The following MAP1B variants were observed in gnomAD, a reference collection of about 807,000 sequenced individuals.
The protein encoded by MAP1B is microtubule associated protein 1B, also known as microtubule-associated protein 1B.
In MAP1B, 12 loss-of-function variants were observed where a neutral mutation model predicts 176.1. The ratio of observed to expected loss-of-function variants is 0.07; its 90% confidence interval spans 0.04 to 0.11. MAP1B has a LOEUF of 0.11. Among genes scored for constraint, MAP1B ranks in the 10% least tolerant of loss-of-function variants. The pLI, the probability that MAP1B is intolerant of heterozygous loss-of-function variation, is 1.00. For missense variants in MAP1B, 2,523 were observed against 2,990.5 expected (o/e 0.84, Z 3.65); for synonymous variants, 1,044 against 1,135.0 (o/e 0.92, Z 1.61).
chr5:72,148,517 T>G (rs56035402), intron 2 of MAP1B, among the ~76,000 whole-genome samples: 10,360 of 152,220 alleles, frequency 0.068, 414 homozygotes, highest in Middle Eastern at 0.095. Flanking sequence ...AGGGCAGGGG[T>G]TGCACTTATG....
intron 2 of MAP1B, chr5:72,116,040 A>T (rs1531313): frequency 0.051 from 20,806 of 409,642 alleles, 1,472 homozygotes; most frequent in East Asian, 0.21. Context: ...GTGTATGTGT[A>T]TATATATACA....
At position 72,199,954 on chromosome 5, in the gene MAP1B, C is replaced by T; in HGVS notation, c.6599C>T (p.Pro2200Leu). The part of the protein sequence containing the change: ...DKTVTYKHMD[P>L]PPAPVQDRSP... ...ACTGTCACGTACAAACACATGGACC[C>T]ACCTCCAGCTCCCGTGCAAGACCGC... The change falls in exon 5 of 7, where the codon CCA becomes CTA. Residue 2200 changes from proline to leucine, a missense_variant. By Grantham distance (98) the Pro-to-Leu change is moderately conservative. Transcript: ENST00000296755. The surrounding 1 kb of genome is among the most constrained non-coding windows in gnomAD (Gnocchi z 4.2). The T allele has an allele frequency of 6.2e-7, 1 of 1,614,200 alleles. No individual in the cohort carries two copies. The highest frequency in any genetic ancestry group is 2.2e-5 in the East Asian group (1 of 44,886).
chr5:72,199,236 G>A lies in MAP1B; in HGVS notation c.5881G>A (p.Glu1961Lys), dbSNP rs1457637933. The A allele has an allele frequency of 6.2e-7, 1 of 1,614,064 alleles. No homozygotes were observed. The highest frequency in any genetic ancestry group is 1.7e-5 in the Admixed American group (1 of 60,018). Reference sequence around the variant, plus strand: ...GGGTGGGTACTCATATGACATAAGTGAAAAGACCACCAGCCCCCCCGAAGT... The same window carrying A: ...GGGTGGGTACTCATATGACATAAGTAAAAAGACCACCAGCCCCCCCGAAGT... Reference protein sequence around the residue: ...EEGGYSYDISEKTTSPPEVSG... With the variant: ...EEGGYSYDISKKTTSPPEVSG... The change falls in exon 5 of 7, where the codon GAA becomes AAA. Residue 1961 changes from glutamate (E) to lysine (K), a missense_variant. Glu to Lys is a moderately conservative substitution (Grantham distance 56). This residue lies in a region of MAP1B where 1,925 missense variants were observed against 2,126.0 expected (regional missense o/e 0.91). Transcript: ENST00000296755. This position sits in a 1 kb window ranked among gnomAD's most constrained non-coding sequence, Gnocchi z 4.2.
intron 2 of MAP1B, among the ~76,000 whole-genome samples, chr5:72,149,510 A>T (rs1289823557): frequency 4.6e-5 from 7 of 152,238 alleles, no homozygotes; most frequent in African/African-American, 1.7e-4. Context: ...TGTTGGCTTT[A>T]TTGAAAAGAT....
rs78541618 is a variant in MAP1B at position 72,137,163 on chromosome 5, A to G, written c.286+21364A>G. Among the ~76,000 whole-genome samples, 1,297 of 152,302 alleles carry G rather than the reference A, an allele frequency of 8.5e-3. 16 individuals carry two copies. The highest frequency in any genetic ancestry group is 0.03 in the African/African-American group (1,229 of 41,564). On this transcript the variant is annotated intron_variant, in intron 2 of 6. Transcript: ENST00000296755. ...AAGGATGGCTTATGACAAAGCAGCAATTCCATTTTTATCTTCCTAGGCATG... is the reference window on the plus strand; with the variant it reads ...AAGGATGGCTTATGACAAAGCAGCAGTTCCATTTTTATCTTCCTAGGCATG...
chr5:72,164,717 C>T (rs188549850), intron 2 of MAP1B, among the ~76,000 whole-genome samples: 112 of 152,274 alleles, frequency 7.4e-4, no homozygotes, highest in Non-Finnish European at 1.3e-3. Flanking sequence ...ACCTCAGTTC[C>T]AGCTCCTCTG....
intron 2 of MAP1B, among the ~76,000 whole-genome samples, chr5:72,116,266 A>C (rs968146825): frequency 1.3e-5 from 2 of 152,204 alleles, no homozygotes; most frequent in Admixed American, 6.5e-5. Context: ...TCTTCCTGCA[A>C]AAGAAAAAGG....
chr5:72,186,984 A>G lies in MAP1B; in HGVS notation c.510+230A>G, dbSNP rs749009303. ...CATTCTTAATGTGCCTGAGATATAG[A>G]TGGGAGGGGTTGGAACAGTCAACAC... On this transcript the variant is annotated intron_variant, in intron 4 of 6. Coordinates refer to ENST00000296755, the MANE Select transcript of MAP1B (RefSeq NM_005909.5). This position sits in a 1 kb window ranked among gnomAD's most constrained non-coding sequence, Gnocchi z 4.3. 2.0e-5 allele frequency among the ~76,000 whole-genome samples: 3 copies of G among 152,230 alleles called. No individual in the cohort carries two copies. The highest frequency in any genetic ancestry group is 4.4e-5 in the Non-Finnish European group (3 of 68,036).
Position 72,200,154 on chromosome 5 carries a change from C to A in MAP1B, c.6799C>A (p.Pro2267Thr). ...CAAAAAGAGTGATGGGAAGTCTAAG[C>A]CCTTGGCAGCTTCACCAAAACCAGC... ...PVKKSDGKSKPLAASPKPAGL... is the reference protein window; with the variant it reads ...PVKKSDGKSKTLAASPKPAGL... The change falls in exon 5 of 7, where the codon CCC (proline) becomes ACC (threonine). Residue 2267 changes from proline (P) to threonine (T), a missense_variant. Around this residue, in one of 4 missense-constraint regions of MAP1B, gnomAD observed 287 missense variants for 401.5 expected, o/e 0.71. Coordinates refer to ENST00000296755, the MANE Select transcript of MAP1B (RefSeq NM_005909.5). The A allele has an allele frequency of 6.2e-7, 1 of 1,614,214 alleles. No homozygotes were observed. The highest frequency in any genetic ancestry group is 8.5e-7 in the Non-Finnish European group (1 of 1,180,048).
chr5:72,108,002 GGT>G (rs932198387), intron 1 of MAP1B, among the ~76,000 whole-genome samples: 178 of 152,350 alleles, frequency 1.2e-3, no homozygotes, highest in African/African-American at 4.0e-3. Flanking sequence ...GTGAAATGCA[GGT>G]GTCAGGGGAG....
chr5:72,166,304 T>TA (rs1430581907), intron 2 of MAP1B, among the ~76,000 whole-genome samples: 1 of 151,938 alleles, frequency 6.6e-6, no homozygotes, highest in Non-Finnish European at 1.5e-5. Context: ...TCCAGGGAGG[T>TA]AAGGGCAGTG....
intron 2 of MAP1B, among the ~76,000 whole-genome samples, chr5:72,182,467 A>G (rs1746792405): frequency 6.6e-6 from 1 of 152,128 alleles, no homozygotes; most frequent in South Asian, 2.1e-4. Context: ...ATTTTACCCA[A>G]TCATCAATAG....
rs146490320 is a variant in MAP1B, at chr5:72,146,607, C to A, written c.286+30808C>A. 3.9e-5 allele frequency among the ~76,000 whole-genome samples: 6 copies of A among 152,288 alleles called. No homozygotes were observed. The East Asian group carries it at 1.2e-3, about 29-fold the overall frequency. On this transcript the variant is annotated intron_variant, in intron 2 of 6. Transcript: ENST00000296755. Reference sequence around the variant, plus strand: ...TCATGCCACCACGAGGAACCTGAGGCACAGCATGGTTAAACAGCATGCCCA... The same window carrying A: ...TCATGCCACCACGAGGAACCTGAGGAACAGCATGGTTAAACAGCATGCCCA...
At chr5:72,146,413 T>C (rs531575253) in intron 2 of MAP1B, among the ~76,000 whole-genome samples, 207 of 152,318 alleles carry the variant, frequency 1.4e-3, no homozygotes, top group Middle Eastern at 3.4e-3. Context: ...TTTGCTCCCC[T>C]TTTCTCTGTG....
chr5:72,144,662 C>T (rs1019850611), intron 2 of MAP1B, among the ~76,000 whole-genome samples: 1 of 152,194 alleles, frequency 6.6e-6, no homozygotes, highest in Non-Finnish European at 1.5e-5. Context: ...CCCAAAAGTA[C>T]TAGGATTACA....
At position 72,186,789 on chromosome 5, in the gene MAP1B, TG is replaced by T; in HGVS notation, c.510+37del. The T allele has an allele frequency of 6.2e-7, 1 of 1,611,464 alleles. No individual in the cohort carries two copies. The highest frequency in any genetic ancestry group is 8.5e-7 in the Non-Finnish European group (1 of 1,179,332). ...TGTCTGAGAATATCTGTGCTTCTAG[TG>T]GCTTGGTTGCCTTAGGTTCCTCTTT... On this transcript the variant is annotated intron_variant, in intron 4 of 6. Transcript: ENST00000296755. The surrounding 1 kb of genome is among the most constrained non-coding windows in gnomAD (Gnocchi z 4.3).
rs1277814131 is a variant in MAP1B, at chr5:72,186,916, T to C, written c.510+162T>C. On this transcript the variant is annotated intron_variant, in intron 4 of 6. Coordinates refer to ENST00000296755, the MANE Select transcript of MAP1B (RefSeq NM_005909.5). This position sits in a 1 kb window ranked among gnomAD's most constrained non-coding sequence, Gnocchi z 4.3. Reference sequence around the variant, plus strand: ...CAAAATACTTTATTTCTATGGCTCATTGCCAAAAGAATTTAGAGCACTCAT... The same window carrying C: ...CAAAATACTTTATTTCTATGGCTCACTGCCAAAAGAATTTAGAGCACTCAT... Among the ~76,000 whole-genome samples, 2 of 152,222 alleles carry C rather than the reference T, an allele frequency of 1.3e-5. No individual in the cohort carries two copies. Among genetic ancestry groups the C allele is most frequent in the East Asian group, 1.9e-4 (1 of 5,198 alleles).
At chr5:72,151,742 T>C (rs1746144025) in intron 2 of MAP1B, among the ~76,000 whole-genome samples, 1 of 152,350 alleles carries the variant, frequency 6.6e-6, no homozygotes, top group Admixed American at 6.5e-5. Context: ...TGAGCTGGGC[T>C]CACCCAGGGG....
intron 2 of MAP1B, among the ~76,000 whole-genome samples, chr5:72,171,472 T>C (rs1436351515): frequency 6.6e-6 from 1 of 151,914 alleles, no homozygotes; most frequent in Non-Finnish European, 1.5e-5. Context: ...ACCTGTAGTG[T>C]TAGCTACTTG....
Sources: gnomAD v4.1 joint callset for allele counts (sites outside exome capture counted in the v4.1 genomes callset) on GRCh38, gnomAD v4.1.1 for gene constraint, gnomAD v4.1.1 regional missense constraint, Gnocchi (gnomAD v3.1) non-coding constraint, MANE v1.5 for transcripts, NCBI Gene and HGNC (gene_info 2026-07-23, HGNC 2026-07-21) for gene names.